The following GRID2 variants were observed in gnomAD, a reference collection of about 807,000 sequenced individuals.
GRID2 encodes the protein glutamate ionotropic receptor delta type subunit 2, also known as glutamate receptor ionotropic, delta-2.
Under a neutral mutation model 114.8 loss-of-function variants are expected in GRID2, and 33 were observed. That is an observed-to-expected ratio of 0.29 (90% CI 0.22 to 0.38). The LOEUF (loss-of-function observed/expected upper bound fraction) is 0.38. Ranked by LOEUF, GRID2 falls within the 10% of genes least tolerant of loss-of-function variation. GRID2 has a pLI of 1.00. For synonymous variants in GRID2, 505 were observed against 449.9 expected, an observed-to-expected ratio of 1.12 and a Z score of -1.55; for missense variants, 1,184 against 1,257.7, an observed-to-expected ratio of 0.94 and a Z score of 0.89.
At chr4:93,096,084 G>A (rs1731204763) in intron 3 of GRID2, among the ~76,000 whole-genome samples, 1 of 152,050 alleles carries the variant, frequency 6.6e-6, no homozygotes, top group East Asian at 1.9e-4. Context: ...GAGTGGGGTT[G>A]ATTGTTAACC....
intron 2 of GRID2, among the ~76,000 whole-genome samples, chr4:92,745,351 A>T (rs1031033148): frequency 6.6e-5 from 10 of 152,234 alleles, no homozygotes; most frequent in African/African-American, 2.2e-4. Context: ...AATTGATCAT[A>T]AATTATAAAG....
chr4:93,095,366 A>T (rs1731120134), intron 3 of GRID2, among the ~76,000 whole-genome samples: 1 of 152,016 alleles, frequency 6.6e-6, no homozygotes, highest in Non-Finnish European at 1.5e-5. Context: ...GACCATTTTT[A>T]AAAAATACAC....
chr4:92,776,735 C>G (rs1347443613), intron 2 of GRID2, among the ~76,000 whole-genome samples: 1 of 151,912 alleles, frequency 6.6e-6, no homozygotes, highest in Admixed American at 6.6e-5. Context: ...AAATGAAGGT[C>G]TGCTATTTTC....
chr4:93,208,200 C>A (rs1163911429), intron 5 of GRID2, among the ~76,000 whole-genome samples: 1 of 151,822 alleles, frequency 6.6e-6, no homozygotes, highest in African/African-American at 2.4e-5. Flanking sequence ...ATACTAAATA[C>A]AGAATTCTAG....
chr4:93,079,809 G>GA (rs1216998540), intron 2 of GRID2, among the ~76,000 whole-genome samples: 9 of 152,036 alleles, frequency 5.9e-5, no homozygotes, highest in African/African-American at 1.7e-4. Flanking sequence ...TTAGATGAGT[G>GA]AAAAAATAGT....
chr4:93,566,598 T>C (rs985706562), intron 13 of GRID2, among the ~76,000 whole-genome samples: 5 of 152,094 alleles, frequency 3.3e-5, no homozygotes, highest in South Asian at 4.2e-4. Flanking sequence ...GGCAAAACCC[T>C]GTCTCTACTA....
At chr4:93,480,729 C>T (rs1346108758) in intron 11 of GRID2, among the ~76,000 whole-genome samples, 1 of 151,934 alleles carries the variant, frequency 6.6e-6, no homozygotes, top group Non-Finnish European at 1.5e-5. Context: ...TGCAGGATTC[C>T]CCAGTGTTAT....
intron 2 of GRID2, among the ~76,000 whole-genome samples, chr4:92,783,884 C>G (rs1271942273): frequency 7.2e-6 from 1 of 139,402 alleles, no homozygotes; most frequent in Non-Finnish European, 1.6e-5. Context: ...GAAACACTCT[C>G]TCTAATTAAA....
intron 2 of GRID2, among the ~76,000 whole-genome samples, chr4:92,765,147 CT>C (rs1296872187): frequency 1.3e-5 from 2 of 152,150 alleles, no homozygotes; most frequent in Non-Finnish European, 2.9e-5. Flanking sequence ...CCTGCTCACA[CT>C]TTCAATTTTA....
chr4:92,615,336 A>G (rs532739275), intron 2 of GRID2, among the ~76,000 whole-genome samples: 176 of 151,578 alleles, frequency 1.2e-3, no homozygotes, highest in African/African-American at 4.0e-3. Flanking sequence ...TCTAAATCCA[A>G]TTACCTCTGA....
rs182674545 is a variant in GRID2, at chr4:92,727,117, G to T, written c.244+136831G>T. ...TTATCTGAATTTCTCTCCAATTAAA[G>T]CTTATTCCCTATGTATTTGTATATA... On this transcript the variant is annotated intron_variant, in intron 2 of 15. Transcript: ENST00000282020. Among the ~76,000 whole-genome samples the T allele has an allele frequency of 2.4e-4, 37 of 151,918 alleles. 1 individual carries two copies. In the East Asian group the frequency reaches 5.2e-3, roughly 21 times the overall value.
intron 2 of GRID2, among the ~76,000 whole-genome samples, chr4:92,885,693 TAGTC>T (rs1243345817): frequency 2.6e-5 from 4 of 152,238 alleles, no homozygotes; most frequent in Admixed American, 1.3e-4. Context: ...TTTTGATTGA[TAGTC>T]AGTTAAAACT....
At chr4:93,030,051 C>G (rs1339711271) in intron 2 of GRID2, among the ~76,000 whole-genome samples, 1 of 152,044 alleles carries the variant, frequency 6.6e-6, no homozygotes, top group Non-Finnish European at 1.5e-5. Flanking sequence ...AACTAGAAAG[C>G]CATTTAGTAC....
chr4:92,794,338 T>C (rs1739746552), intron 2 of GRID2, among the ~76,000 whole-genome samples: 1 of 151,868 alleles, frequency 6.6e-6, no homozygotes, highest in African/African-American at 2.4e-5. Context: ...CCTGCAAATT[T>C]ATAACACCCT....
chr4:92,761,260 T>C (rs1737998002), intron 2 of GRID2, among the ~76,000 whole-genome samples: 1 of 151,850 alleles, frequency 6.6e-6, no homozygotes, highest in Non-Finnish European at 1.5e-5. Flanking sequence ...TTCTCTAGTT[T>C]GTTTTAGAAG....
intron 2 of GRID2, among the ~76,000 whole-genome samples, chr4:92,631,039 GATCT>G (rs1381678003): frequency 6.6e-6 from 1 of 150,966 alleles, no homozygotes; most frequent in Non-Finnish European, 1.5e-5. Context: ...AAAAACAAGA[GATCT>G]ATCTCTCTGT....
intron 1 of GRID2, among the ~76,000 whole-genome samples, chr4:92,473,359 C>T (rs539236750): frequency 6.6e-6 from 1 of 152,060 alleles, no homozygotes; most frequent in South Asian, 2.1e-4. Flanking sequence ...ACACATCGGT[C>T]GTCTTATAAT....
intron 8 of GRID2, among the ~76,000 whole-genome samples, chr4:93,287,277 G>A (rs1193939999): frequency 6.6e-6 from 1 of 152,140 alleles, no homozygotes; most frequent in African/African-American, 2.4e-5. Context: ...ATGAGAGAAA[G>A]TCTGGATTAG....
At chr4:92,338,100 C>A (rs946344724) in intron 1 of GRID2, among the ~76,000 whole-genome samples, 8 of 151,996 alleles carry the variant, frequency 5.3e-5, no homozygotes, top group Non-Finnish European at 1.0e-4. Flanking sequence ...AAGTATTAAG[C>A]CTTGGGACAT....
Sources: gnomAD v4.1 joint callset for allele counts (sites outside exome capture counted in the v4.1 genomes callset) on GRCh38, gnomAD v4.1.1 for gene constraint, MANE v1.5 for transcripts, NCBI Gene and HGNC (gene_info 2026-07-23, HGNC 2026-07-21) for gene names.